The following EFCAB6 variants were observed in gnomAD, a reference collection of about 807,000 sequenced individuals.
EFCAB6 encodes EF-hand calcium-binding domain-containing protein 6.
In EFCAB6, 156 loss-of-function variants were observed where a neutral mutation model predicts 169.8. The ratio of observed to expected loss-of-function variants is 0.92; its 90% CI spans 0.81 to 1.05. The LOEUF (loss-of-function observed/expected upper bound fraction) is 1.05, where lower values mean the gene tolerates loss of function less well. EFCAB6 is among the 50% of genes least tolerant of loss of function. EFCAB6 has a pLI of 0.00. For missense variants in EFCAB6, 1,800 were observed against 1,829.1 expected, an observed-to-expected ratio of 0.98 and a Z score of 0.29; for synonymous variants, 698 against 676.4, an observed-to-expected ratio of 1.03 and a Z score of -0.50.
chr22:43,591,075 C>T (rs1183888815), intron 23 of EFCAB6, among the ~76,000 whole-genome samples: 1 of 151,530 alleles, frequency 6.6e-6, no homozygotes, highest in Non-Finnish European at 1.5e-5. Context: ...GCCAAAGACC[C>T]CCTGGGTTTG....
intron 24 of EFCAB6, among the ~76,000 whole-genome samples, chr22:43,585,555 CA>C (rs2051008394): frequency 6.6e-6 from 1 of 152,042 alleles, no homozygotes; most frequent in Non-Finnish European, 1.5e-5. Context: ...AACAAAGAAA[CA>C]AAACAAGAGA....
At chr22:43,643,603 C>A (rs2147993577) in intron 17 of EFCAB6, among the ~76,000 whole-genome samples, 1 of 152,340 alleles carries the variant, frequency 6.6e-6, no homozygotes, top group Non-Finnish European at 1.5e-5. Context: ...GCACATGATG[C>A]TGCTTCCTTT....
At chr22:43,723,075 T>A (rs1394474099) in intron 8 of EFCAB6, among the ~76,000 whole-genome samples, 3 of 152,204 alleles carry the variant, frequency 2.0e-5, no homozygotes, top group African/African-American at 7.2e-5. Flanking sequence ...AGTAACTGTA[T>A]ACGTAGTGGA....
chr22:43,618,253 A>G (rs1248650743), intron 20 of EFCAB6, among the ~76,000 whole-genome samples: 2 of 152,000 alleles, frequency 1.3e-5, no homozygotes, highest in Non-Finnish European at 2.9e-5. Flanking sequence ...AAAGAGAAAG[A>G]AAGAAAAGTG....
At chr22:43,630,337 C>A (rs1397396058) in intron 19 of EFCAB6, among the ~76,000 whole-genome samples, 1 of 152,102 alleles carries the variant, frequency 6.6e-6, no homozygotes, top group Non-Finnish European at 1.5e-5. Context: ...AATTCTCTGG[C>A]GGGATAGAGT....
chr22:43,620,149 C>G (rs1475085219), intron 20 of EFCAB6, among the ~76,000 whole-genome samples: 2 of 151,910 alleles, frequency 1.3e-5, no homozygotes, highest in Non-Finnish European at 2.9e-5. Flanking sequence ...AAGACCCTGT[C>G]TCTAGAAAAA....
intron 19 of EFCAB6, among the ~76,000 whole-genome samples, chr22:43,629,214 T>G (rs1372461830): frequency 6.6e-6 from 1 of 152,158 alleles, no homozygotes; most frequent in South Asian, 2.1e-4. Flanking sequence ...CTTCACAAGT[T>G]TATAAACTAA....
At chr22:43,630,920 G>A (rs2054895043) in intron 19 of EFCAB6, among the ~76,000 whole-genome samples, 1 of 150,726 alleles carries the variant, frequency 6.6e-6, no homozygotes, top group Non-Finnish European at 1.5e-5. Flanking sequence ...AAATTAGGAT[G>A]CACATTCTGA....
intron 13 of EFCAB6, among the ~76,000 whole-genome samples, chr22:43,675,953 ATAAG>A (rs1270789774): frequency 2.6e-5 from 4 of 151,964 alleles, no homozygotes; most frequent in African/African-American, 4.8e-5. Flanking sequence ...CCAGCATAAT[ATAAG>A]TAAGTAGAGA....
intron 6 of EFCAB6, 146 bp downstream of exon 6, chr22:43,755,620 A>T: frequency 1.4e-6 from 1 of 725,684 alleles, no homozygotes; most frequent in South Asian, 2.3e-5. Flanking sequence ...CTGGCTTGTT[A>T]TCAGAAGATC....
In EFCAB6 at chr22:43,731,511, T is replaced by G. The variant is rs150510726; in HGVS notation, c.757+188A>C. Reference sequence around the variant, plus strand: ...TAGATTTTACCACATGGCTATATTGTGACTCATTTAGCCTTTTCCTATTCT... The same window carrying G: ...TAGATTTTACCACATGGCTATATTGGGACTCATTTAGCCTTTTCCTATTCT... On this transcript the variant is annotated intron_variant, in intron 8 of 31. Coordinates refer to ENST00000262726, the MANE Select transcript of EFCAB6 (RefSeq NM_022785.4). Among the ~76,000 whole-genome samples, 11 of 152,364 alleles carry G rather than the reference T, an allele frequency of 7.2e-5. No homozygotes were observed. The East Asian group carries it at 1.9e-3, about 27-fold the overall frequency.
At chr22:43,766,800 C>T (rs561555203) in intron 4 of EFCAB6, among the ~76,000 whole-genome samples, 5 of 152,284 alleles carry the variant, frequency 3.3e-5, no homozygotes, top group African/African-American at 1.2e-4. Context: ...AGGCGTGAGC[C>T]AATGTGCCTG....
At chr22:43,702,009 G>A (rs180845025) in intron 10 of EFCAB6, among the ~76,000 whole-genome samples, 4 of 151,984 alleles carry the variant, frequency 2.6e-5, no homozygotes, top group South Asian at 4.2e-4. Context: ...TTAACCAATG[G>A]GGGGGATGTG....
intron 5 of EFCAB6, among the ~76,000 whole-genome samples, chr22:43,757,143 T>C (rs1347463263): frequency 6.6e-6 from 1 of 152,170 alleles, no homozygotes; most frequent in African/African-American, 2.4e-5. Context: ...AAGTTAAAGA[T>C]AGGACTGATC....
chr22:43,609,478 A>G (rs574565867), intron 21 of EFCAB6, among the ~76,000 whole-genome samples: 26 of 152,360 alleles, frequency 1.7e-4, no homozygotes, highest in African/African-American at 4.6e-4. Flanking sequence ...TCTGGATTCT[A>G]TGTCAACAGG....
chr22:43,747,268 C>G (rs1169690228), intron 6 of EFCAB6, among the ~76,000 whole-genome samples: 4 of 152,224 alleles, frequency 2.6e-5, no homozygotes, highest in African/African-American at 7.2e-5. Flanking sequence ...TAGAGCTAAA[C>G]AAACACATGC....
At position 43,565,018 on chromosome 22, in the gene EFCAB6, G is replaced by A. The variant is rs56354250; in HGVS notation, c.3421-9922C>T. ...TCTGTGTGCATGCCCTTTGCCAGGG[G>A]GGGCTTTGTGGCAGCTCCCACTACA... On this transcript the variant is annotated intron_variant, in intron 26 of 31. Transcript: ENST00000262726. Among the ~76,000 whole-genome samples the A allele has an allele frequency of 2.6e-3, 395 of 152,304 alleles. 4 individuals carry two copies. The highest frequency in any genetic ancestry group is 9.0e-3 in the African/African-American group (374 of 41,570).
At chr22:43,678,185 A>C in intron 12 of EFCAB6, 22 bp from the exon 13 acceptor site, 1 of 1,485,128 alleles carries the variant, frequency 6.7e-7, no homozygotes, top group Non-Finnish European at 9.1e-7. Context: ...AGTGTATATA[A>C]GGGAATTTTT....
intron 17 of EFCAB6, among the ~76,000 whole-genome samples, chr22:43,645,501 T>C (rs1795647337): frequency 1.3e-5 from 2 of 152,214 alleles, no homozygotes; most frequent in Admixed American, 1.3e-4. Flanking sequence ...AAAAGCCTTG[T>C]GAAAATGTTA....
Sources: gnomAD v4.1 joint callset for allele counts (sites outside exome capture counted in the v4.1 genomes callset) on GRCh38, gnomAD v4.1.1 for gene constraint, MANE v1.5 for transcripts, NCBI Gene and HGNC (gene_info 2026-07-23, HGNC 2026-07-21) for gene names.